GARNL3: variants seen among roughly 807,000 people sequenced by gnomAD.
GARNL3 encodes GTPase-activating Rap/Ran-GAP domain-like protein 3.
In GARNL3, 63 loss-of-function variants were observed where a neutral mutation model predicts 125.0. The ratio of observed to expected loss-of-function variants is 0.50; its 90% CI spans 0.41 to 0.62. GARNL3 has a LOEUF of 0.62. Ranked by LOEUF, GARNL3 falls within the 20% of genes least tolerant of loss-of-function variation. The pLI is 0.00. For missense variants in GARNL3, 994 were observed against 1,244.0 expected, an observed-to-expected ratio of 0.80 and a Z score of 3.02; for synonymous variants, 439 against 457.5, an observed-to-expected ratio of 0.96 and a Z score of 0.52.
At chr9:127,300,603 C>T (rs762247998) in intron 2 of GARNL3, 22 of 294,918 alleles carry the variant, frequency 7.5e-5, no homozygotes, top group Non-Finnish European at 1.2e-4. Context: ...TACAGGCATG[C>T]GCCACCACGC....
chr9:127,300,497 T>G, intron 2 of GARNL3: 2 of 382,358 alleles, frequency 5.2e-6, no homozygotes, highest in Non-Finnish European at 1.0e-5. Context: ...TTTTGAGACG[T>G]AGGCTGGAGT....
chr9:127,367,520 GA>G (rs891806270), intron 22 of GARNL3: 23 of 152,226 alleles, frequency 1.5e-4, no homozygotes, highest in African/African-American at 5.5e-4. Flanking sequence ...ACCTTTAGGG[GA>G]AAAAATAGTA....
intron 2 of GARNL3, among the ~76,000 whole-genome samples, chr9:127,301,925 C>CTTTTTTT (rs754780368): frequency 2.0e-4 from 9 of 45,436 alleles, no homozygotes; most frequent in African/African-American, 3.2e-4. Context: ...ATTGGGAGGA[C>CTTTTTTT]TTTTTTTTTT....
chr9:127,231,886 G>C (rs2063025663), intron 1 of GARNL3, among the ~76,000 whole-genome samples: 2 of 152,166 alleles, frequency 1.3e-5, no homozygotes. Context: ...TCATCAGTGG[G>C]TTCTATGAAT....
At chr9:127,300,279 T>C (rs1049708428) in intron 2 of GARNL3, 22 of 250,828 alleles carry the variant, frequency 8.8e-5, no homozygotes, top group East Asian at 8.0e-4. Context: ...TTTCAAAAGT[T>C]AGAGGCCACA....
At position 127,355,453 on chromosome 9, in the gene GARNL3, A is replaced by T. The variant is rs761940819; in HGVS notation, c.1916A>T (p.Glu639Val). The change falls in exon 20 of 28, where the codon GAA becomes GTA. Residue 639 changes from glutamate to valine, a missense_variant. Transcript: ENST00000373387. Reference protein sequence around the residue: ...LLSPLSESPVEEFQYIREICL... With the variant: ...LLSPLSESPVVEFQYIREICL... ...TCTCCCCTGTCTGAGTCACCTGTTG[A>T]AGAATTCCAGTACATCAGGGTAGGT... The T allele has an allele frequency of 1.4e-5, 23 of 1,614,078 alleles. No homozygotes were observed. The Admixed American group carries it at 3.7e-4, about 26-fold the overall frequency.
At chr9:127,291,954 A>G (rs1277404377) in intron 2 of GARNL3, among the ~76,000 whole-genome samples, 2 of 151,910 alleles carry the variant, frequency 1.3e-5, no homozygotes, top group African/African-American at 2.4e-5. Flanking sequence ...TCTCAAGATT[A>G]TTGCAAGAAT....
chr9:127,365,422 T>C, intron 22 of GARNL3, 56 bp downstream of exon 22: 1 of 1,313,392 alleles, frequency 7.6e-7, no homozygotes, highest in South Asian at 1.2e-5. Flanking sequence ...CTTTTTTTTT[T>C]TCTGGGCAAT....
At chr9:127,263,712 C>A, upstream of GARNL3, 1 of 1,172,192 alleles carries the variant, frequency 8.5e-7, no homozygotes. Flanking sequence ...TTTCAAACTG[C>A]ATGCATTGAT....
chr9:127,247,463 T>G (rs1381132265), intron 2 of GARNL3, among the ~76,000 whole-genome samples: 1 of 152,248 alleles, frequency 6.6e-6, no homozygotes, highest in African/African-American at 2.4e-5. Context: ...TCCTTTTCTC[T>G]CTTTCCCCGT....
chr9:127,390,607 G>A (rs535820454), intron 26 of GARNL3, 34 bp from the exon 27 acceptor site: 7 of 1,610,006 alleles, frequency 4.3e-6, no homozygotes, highest in South Asian at 1.1e-5. Flanking sequence ...CAGCCCTGTG[G>A]TAGTGACCCT....
chr9:127,263,896 G>A, upstream of GARNL3: 6 of 1,429,882 alleles, frequency 4.2e-6, no homozygotes, highest in South Asian at 9.2e-5. Context: ...CTGGCAGAGA[G>A]TCAGTTCTCT....
intron 2 of GARNL3, among the ~76,000 whole-genome samples, chr9:127,243,445 G>A (rs916279622): frequency 1.3e-5 from 2 of 152,280 alleles, no homozygotes; most frequent in Middle Eastern, 3.4e-3. Context: ...GCACCTACTC[G>A]TCCAGGTCCT....
chr9:127,251,999 C>G (rs1364420494), intron 2 of GARNL3, among the ~76,000 whole-genome samples: 1 of 152,196 alleles, frequency 6.6e-6, no homozygotes, highest in Non-Finnish European at 1.5e-5. Context: ...GTTTCCCCCA[C>G]ATATACCTTC....
intron 1 of GARNL3, among the ~76,000 whole-genome samples, chr9:127,226,222 G>C (rs1444616008): frequency 1.3e-5 from 2 of 152,176 alleles, no homozygotes; most frequent in Non-Finnish European, 2.9e-5. Context: ...GTGGGGGACA[G>C]AGAGAGAGAA....
chr9:127,355,876 A>T lies in GARNL3; in HGVS notation c.1935+404A>T, dbSNP rs548935677. ...AGATTCTGTTTAGAAAGAATGTCCC[A>T]GGAAGCCCTCTCTGAATAGGTTACC... On this transcript the variant is annotated intron_variant, in intron 20 of 27. Transcript: ENST00000373387. Among the ~76,000 whole-genome samples the T allele has an allele frequency of 2.0e-5, 3 of 152,354 alleles. No individual in the cohort carries two copies. The South Asian group carries it at 6.2e-4, about 32-fold the overall frequency.
intron 1 of GARNL3, among the ~76,000 whole-genome samples, chr9:127,276,652 C>A (rs956155579): frequency 6.6e-6 from 1 of 152,220 alleles, no homozygotes; most frequent in African/African-American, 2.4e-5. Context: ...CTGAACTCAC[C>A]CTGTCTCTCT....
At chr9:127,293,481 G>A (rs2064488691) in intron 2 of GARNL3, among the ~76,000 whole-genome samples, 1 of 151,788 alleles carries the variant, frequency 6.6e-6, no homozygotes, top group Admixed American at 6.6e-5. Flanking sequence ...TAGTTTGTCT[G>A]TTTTTTTTCT....
chr9:127,297,047 C>T (rs1376497416), intron 2 of GARNL3, among the ~76,000 whole-genome samples: 1 of 152,280 alleles, frequency 6.6e-6, no homozygotes, highest in South Asian at 2.1e-4. Context: ...ATACCACACC[C>T]CTAAAGCAGT....
Sources: allele counts gnomAD v4.1 joint callset (sites outside exome capture counted in the v4.1 genomes callset), GRCh38; gene constraint gnomAD v4.1.1; transcripts MANE v1.5; gene names NCBI Gene and HGNC (gene_info 2026-07-23, HGNC 2026-07-21).